The following MED1 variants were observed in gnomAD, a reference collection of about 807,000 sequenced individuals.
The protein encoded by MED1 is mediator of RNA polymerase II transcription subunit 1.
In MED1, 17 loss-of-function variants were observed where a neutral mutation model predicts 121.3. That is an observed-to-expected ratio of 0.14 (90% confidence interval 0.10 to 0.21). The LOEUF is 0.21. Ranked by LOEUF, MED1 falls within the 10% of genes least tolerant of loss-of-function variation. MED1 has a pLI of 1.00. For synonymous variants in MED1, 661 were observed against 694.4 expected (o/e 0.95, Z 0.76); for missense variants, 1,558 against 1,919.4 (o/e 0.81, Z 3.52).
At chr17:39,444,712 T>C (rs1162715803) in intron 2 of MED1, among the ~76,000 whole-genome samples, 1 of 150,800 alleles carries the variant, frequency 6.6e-6, no homozygotes, top group Non-Finnish European at 1.5e-5. Flanking sequence ...CTACTAAAAA[T>C]ACAAAAATTA....
At position 39,406,637 on chromosome 17, in the gene MED1, G is replaced by C; in HGVS notation, c.*838C>G. On this transcript the variant is annotated 3_prime_UTR_variant, in exon 17 of 17. Transcript: ENST00000300651. Reference sequence around the variant, plus strand: ...GAGAGGTAACTCCTAATATTCCTATGATCTCTGAACCCTATTTAAACCCTC... The same window carrying C: ...GAGAGGTAACTCCTAATATTCCTATCATCTCTGAACCCTATTTAAACCCTC... The C allele has an allele frequency of 1.0e-6, 1 of 979,508 alleles. No homozygotes were observed. The highest frequency in any genetic ancestry group is 1.2e-6 in the Non-Finnish European group (1 of 828,648). 60.7% of individuals were successfully genotyped at this position (979,508 alleles called of 1,614,324 possible). A position where few individuals can be genotyped will look rare whatever the true frequency, so the allele number is the denominator to read the frequency against.
chr17:39,424,615 T>C lies in MED1; in HGVS notation c.851+12A>G, dbSNP rs1374900667. Reference sequence around the variant, plus strand: ...AATTGACTTTGCTACTCTAAAATTATATTTAACTTACCATTTATTGTCAAC... The same window carrying C: ...AATTGACTTTGCTACTCTAAAATTACATTTAACTTACCATTTATTGTCAAC... On this transcript the variant is annotated intron_variant, in intron 11 of 16. Coordinates refer to ENST00000300651, the MANE Select transcript of MED1 (RefSeq NM_004774.4). The C allele has an allele frequency of 3.3e-6, 5 of 1,532,030 alleles. No individual in the cohort carries two copies. The Admixed American group carries it at 5.6e-5, about 17-fold the overall frequency. The allele number at this position is 1,532,030 out of a possible 1,614,324, so 94.9% of individuals were successfully genotyped here.
At chr17:39,419,452 G>A (rs56257093) in intron 14 of MED1, among the ~76,000 whole-genome samples, 15,430 of 149,762 alleles carry the variant, frequency 0.1, 848 homozygotes, top group African/African-American at 0.15. Flanking sequence ...CTGTCACCCA[G>A]GCTGGAGTGC....
At chr17:39,437,134 G>A (rs752907504) in intron 6 of MED1, among the ~76,000 whole-genome samples, 5 of 152,104 alleles carry the variant, frequency 3.3e-5, no homozygotes, top group Non-Finnish European at 7.4e-5. Flanking sequence ...GTTTCTCCGT[G>A]TTGGTCAGGC....
intron 2 of MED1, among the ~76,000 whole-genome samples, chr17:39,443,851 C>G (rs2048702075): frequency 6.6e-6 from 1 of 151,842 alleles, no homozygotes; most frequent in Admixed American, 6.6e-5. Flanking sequence ...ATTCCTCAGC[C>G]AGGCACGTGG....
At chr17:39,429,702 T>TAAAA (rs757034804) in intron 9 of MED1, among the ~76,000 whole-genome samples, 13 of 48,958 alleles carry the variant, frequency 2.7e-4, no homozygotes, top group African/African-American at 1.2e-3. Flanking sequence ...CCTAAATGCC[T>TAAAA]AAAAAAAAAA....
At chr17:39,422,386 G>C (rs1372480605) in intron 13 of MED1, among the ~76,000 whole-genome samples, 1 of 146,612 alleles carries the variant, frequency 6.8e-6, no homozygotes, top group African/African-American at 2.5e-5. Context: ...GGATGCTCTC[G>C]ATCTCTTGAC....
chr17:39,434,672 ATT>A (rs1312402202), intron 6 of MED1, among the ~76,000 whole-genome samples: 1 of 151,926 alleles, frequency 6.6e-6, no homozygotes, highest in Non-Finnish European at 1.5e-5. Context: ...CTTTTTATTA[ATT>A]TTTTTGTAGA....
At chr17:39,413,710 G>T (rs996793478) in intron 16 of MED1, among the ~76,000 whole-genome samples, 3 of 151,028 alleles carry the variant, frequency 2.0e-5, no homozygotes, top group East Asian at 1.9e-4. Context: ...CTCCAGCCTG[G>T]GTAACAGAGT....
intron 6 of MED1, among the ~76,000 whole-genome samples, chr17:39,437,906 C>T (rs2048634888): frequency 6.6e-6 from 1 of 151,820 alleles, no homozygotes; most frequent in South Asian, 2.1e-4. Flanking sequence ...TGCACTCCAG[C>T]CTGGGCAACA....
At chr17:39,434,387 C>A in intron 6 of MED1, 67 bp from the exon 7 acceptor site, 2 of 787,048 alleles carry the variant, frequency 2.5e-6, no homozygotes, top group Non-Finnish European at 4.1e-6. Flanking sequence ...CTCAATCTTA[C>A]AACAAAGTGC....
chr17:39,408,666 A>T lies in MED1; in HGVS notation c.3555T>A (p.Ser1185=), dbSNP rs2048326656. The T allele has an allele frequency of 6.2e-7, 1 of 1,613,992 alleles. No individual in the cohort carries two copies. Among genetic ancestry groups the T allele is most frequent in the Non-Finnish European group, 8.5e-7 (1 of 1,180,034 alleles). The change falls in exon 17 of 17, where the codon TCT becomes TCA. Residue 1185 remains serine (S), a synonymous_variant. Transcript: ENST00000300651. The surrounding 1 kb of genome is among the most constrained non-coding windows in gnomAD (Gnocchi z 4.7). ...AAGGGGATATGTTTGGTTTACTTAA[A>T]GAAGGATTCATAAGTGATGATGGCT... ...QGKPSSLMNP[S]LSKPNISPSH... is the part of the protein sequence containing the mutation.
intron 13 of MED1, among the ~76,000 whole-genome samples, chr17:39,421,270 G>A (rs2048462518): frequency 7.2e-6 from 1 of 138,848 alleles, no homozygotes; most frequent in Non-Finnish European, 1.5e-5. Context: ...GAAAAGAAAA[G>A]GACAGGCAAG....
At chr17:39,430,610 G>A (rs1328321538) in intron 9 of MED1, among the ~76,000 whole-genome samples, 6 of 151,166 alleles carry the variant, frequency 4.0e-5, no homozygotes, top group African/African-American at 9.7e-5. Flanking sequence ...GGAGAATGGC[G>A]TGAACCTGGG....
chr17:39,411,396 G>A (rs1015987855), intron 16 of MED1, among the ~76,000 whole-genome samples: 2 of 152,092 alleles, frequency 1.3e-5, no homozygotes, highest in African/African-American at 4.8e-5. Context: ...CGAGGAGGGT[G>A]GATCACTTCG....
rs760135589 is a variant in MED1 at position 39,440,017 on chromosome 17, GGAAAGAAA to G, written c.399+361_399+368del. On this transcript the variant is annotated intron_variant, in intron 5 of 16. Coordinates refer to ENST00000300651, the MANE Select transcript of MED1 (RefSeq NM_004774.4). The surrounding 1 kb of genome is among the most constrained non-coding windows in gnomAD (Gnocchi z 4.1). ...AGGAAGGAAGGAAGGAAGGAAGGAAGGAAAGAAAGAAAGAAAGAGAGAAAGAGAAAGAA... is the reference window on the plus strand; with the variant it reads ...AGGAAGGAAGGAAGGAAGGAAGGAAGGAAAGAAAGAGAGAAAGAGAAAGAA... 1.5e-4 allele frequency among the ~76,000 whole-genome samples: 19 copies of G among 128,750 alleles called. No homozygotes were observed. The highest frequency in any genetic ancestry group is 1.3e-3 in the South Asian group (5 of 3,850). 84.5% of individuals were successfully genotyped at this position (128,750 alleles called of 152,430 possible).
intron 2 of MED1, 63 bp from the exon 3 acceptor site, chr17:39,443,691 C>T: frequency 7.7e-7 from 1 of 1,299,742 alleles, no homozygotes; most frequent in Non-Finnish European, 1.1e-6. Flanking sequence ...TTTAGGTAAA[C>T]ATACACATTA....
intron 10 of MED1, among the ~76,000 whole-genome samples, chr17:39,427,192 C>G (rs767526173): frequency 1.3e-5 from 2 of 151,422 alleles, no homozygotes; most frequent in Non-Finnish European, 3.0e-5. Flanking sequence ...TACTTTTTTT[C>G]TTTTTTTGAG....
intron 2 of MED1, among the ~76,000 whole-genome samples, chr17:39,447,205 A>G (rs560167769): frequency 6.6e-6 from 1 of 152,236 alleles, no homozygotes; most frequent in African/African-American, 2.4e-5. Flanking sequence ...AGCCTGACCA[A>G]CATGGAGAAA....
Sources: gnomAD v4.1 joint callset for allele counts (sites outside exome capture counted in the v4.1 genomes callset) on GRCh38, gnomAD v4.1.1 for gene constraint, Gnocchi (gnomAD v3.1) non-coding constraint, MANE v1.5 for transcripts, NCBI Gene and HGNC (gene_info 2026-07-23, HGNC 2026-07-21) for gene names.